The following FAT1 variants were observed in gnomAD, a reference collection of about 807,000 sequenced individuals.
FAT1 encodes the protein protocadherin Fat 1.
A neutral mutation model predicts 329.8 loss-of-function variants in FAT1; 171 were observed. That is an observed-to-expected ratio of 0.52 (90% CI 0.46 to 0.59). The LOEUF is 0.59. Among genes scored for constraint, FAT1 ranks in the 20% least tolerant of loss-of-function variants. FAT1 has a pLI of 0.00. For synonymous variants in FAT1, 2,233 were observed against 2,228.6 expected (o/e 1.00, Z -0.06); for missense variants, 5,672 against 5,774.4 (o/e 0.98, Z 0.57).
chr4:186,707,031 G>A lies in FAT1; in HGVS notation c.2797C>T (p.Arg933Cys), dbSNP rs767176687. ...NPPTFIPPNY[R>C]VKVREDLPEG... Reference sequence around the variant, plus strand: ...GGAAGATCCTCTCGGACTTTCACACGATAATTAGGTGGAATAAATGTAGGT... The same window carrying A: ...GGAAGATCCTCTCGGACTTTCACACAATAATTAGGTGGAATAAATGTAGGT... The change falls in exon 2 of 27, where the codon CGT (arginine) becomes TGT (cysteine). Residue 933 changes from arginine to cysteine, a missense_variant. Physicochemically the swap from Arg to Cys is radical, Grantham distance 180 (BLOSUM62 -3). Coordinates refer to ENST00000441802, the MANE Select transcript of FAT1 (RefSeq NM_005245.4). 8.7e-6 allele frequency: 14 copies of A among 1,613,900 alleles called. No homozygotes were observed. Among genetic ancestry groups the A allele is most frequent in the South Asian group, 3.3e-5 (3 of 91,068 alleles).
chr4:186,719,409 GA>G (rs1745366413), intron 1 of FAT1, among the ~76,000 whole-genome samples: 1 of 152,104 alleles, frequency 6.6e-6, no homozygotes, highest in Non-Finnish European at 1.5e-5. Context: ...TTATATCAGG[GA>G]CTTGAGCATT....
chr4:186,680,273 C>A (rs1743148630), intron 2 of FAT1, among the ~76,000 whole-genome samples: 1 of 152,128 alleles, frequency 6.6e-6, no homozygotes, highest in East Asian at 1.9e-4. Flanking sequence ...AAAGGGGTAC[C>A]AGTGTTGAGA....
intron 1 of FAT1, among the ~76,000 whole-genome samples, chr4:186,722,965 GT>G (rs1174747476): frequency 6.6e-6 from 1 of 151,814 alleles, no homozygotes; most frequent in African/African-American, 2.4e-5. Flanking sequence ...TTGCGTCCTT[GT>G]TTCCAAAGCC....
chr4:186,652,429 A>C (rs1236063601), intron 3 of FAT1, among the ~76,000 whole-genome samples: 1 of 152,234 alleles, frequency 6.6e-6, no homozygotes, highest in East Asian at 1.9e-4. Context: ...GATTCAAGTT[A>C]ACCAATTTGC....
At chr4:186,601,563 G>A (rs1275153163) in intron 20 of FAT1, 137 bp from the exon 21 acceptor site, 1 of 607,620 alleles carries the variant, frequency 1.6e-6, no homozygotes. Flanking sequence ...AATTCTGTGG[G>A]AAAACGTCTA....
chr4:186,636,283 C>A (rs1315986597), intron 5 of FAT1, 48 bp from the exon 6 acceptor site: 1 of 1,545,048 alleles, frequency 6.5e-7, no homozygotes, highest in Non-Finnish European at 8.9e-7. Context: ...TCAGGAGTTA[C>A]AACCCAGAAA....
Position 186,621,551 on chromosome 4 carries a change from T to C in FAT1, c.5035A>G (p.Thr1679Ala). 1.2e-6 allele frequency: 2 copies of C among 1,613,956 alleles called. No individual in the cohort carries two copies. The highest frequency in any genetic ancestry group is 1.7e-6 in the Non-Finnish European group (2 of 1,179,870). ...CCAACGAAACTCCCAATGCTGACAG[T>C]TTCACTAAGTTCAACAGAATATTCT... ...SKEYSVELSE[T>A]VSIGSFVGMV... Residue 1679 changes from threonine (T) to alanine (A), a missense_variant, in exon 10 of 27, where the codon ACT (threonine) becomes GCT (alanine). Coordinates refer to ENST00000441802, the MANE Select transcript of FAT1 (RefSeq NM_005245.4).
chr4:186,723,271 C>T (rs932527148), intron 1 of FAT1, among the ~76,000 whole-genome samples: 4 of 152,254 alleles, frequency 2.6e-5, no homozygotes, highest in African/African-American at 9.6e-5. Context: ...AGGGACCCGG[C>T]AGCCCCGCGC....
intron 12 of FAT1, among the ~76,000 whole-genome samples, chr4:186,613,964 T>A: frequency 6.6e-6 from 1 of 152,318 alleles, no homozygotes; most frequent in Admixed American, 6.5e-5. Context: ...AAATTTTAAA[T>A]CCTTTTTTCA....
chr4:186,588,495 CA>C lies in FAT1; in HGVS notation c.*96del, dbSNP rs1359857654. 1.3e-5 allele frequency: 19 copies of C among 1,450,076 alleles called. No individual in the cohort carries two copies. Among genetic ancestry groups the C allele is most frequent in the East Asian group, 4.7e-5 (2 of 42,840 alleles). 89.8% of individuals were successfully genotyped at this position (1,450,076 alleles called of 1,614,324 possible). ...GCGCAGCCATGCCCATTCGGCTCACCAAAAAAAGCTTGGAAGCACTGCTGCA... is the reference window on the plus strand; with the variant it reads ...GCGCAGCCATGCCCATTCGGCTCACCAAAAAAGCTTGGAAGCACTGCTGCA... On this transcript the variant is annotated 3_prime_UTR_variant, in exon 27 of 27. Coordinates refer to ENST00000441802, the MANE Select transcript of FAT1 (RefSeq NM_005245.4).
rs914403167 is a variant in FAT1 at position 186,588,302 on chromosome 4, T to C, written c.*290A>G. 2 of 360,348 alleles carry C rather than the reference T, an allele frequency of 5.6e-6. No individual in the cohort carries two copies. Among genetic ancestry groups the C allele is most frequent in the African/African-American group, 4.1e-5 (2 of 49,206 alleles). 22.3% of individuals were successfully genotyped at this position (360,348 alleles called of 1,614,324 possible). A position where few individuals can be genotyped will look rare whatever the true frequency, so the allele number is the denominator to read the frequency against. On this transcript the variant is annotated 3_prime_UTR_variant, in exon 27 of 27. Coordinates refer to ENST00000441802, the MANE Select transcript of FAT1 (RefSeq NM_005245.4). ...ATTAAAATAATCAAATCTATATAAA[T>C]ACATGAATCATGCTGACAACACAGG...
intron 22 of FAT1, 94 bp from the exon 23 acceptor site, chr4:186,598,219 T>G: frequency 8.1e-7 from 1 of 1,231,966 alleles, no homozygotes; most frequent in Non-Finnish European, 1.1e-6. Context: ...TTCTCCGAGG[T>G]CTGTAAAAGC....
chr4:186,720,527 C>T (rs1023664263), intron 1 of FAT1, among the ~76,000 whole-genome samples: 1 of 152,176 alleles, frequency 6.6e-6, no homozygotes, highest in Non-Finnish European at 1.5e-5. Context: ...AATTGTTCCC[C>T]TCTGATTCAC....
chr4:186,588,579 G>C lies in FAT1; in HGVS notation c.*13C>G, dbSNP rs1166673244. 1 of 1,600,996 alleles carries C rather than the reference G, an allele frequency of 6.2e-7. No homozygotes were observed. Among genetic ancestry groups the C allele is most frequent in the Non-Finnish European group, 8.5e-7 (1 of 1,173,712 alleles). ...GGTTCACTAAAGTCAGGCACTTTGG[G>C]GGGAGTTGAGAGTCAGACTTCCGTG... is the stretch of plus-strand genomic sequence containing the variant. On this transcript the variant is annotated 3_prime_UTR_variant, in exon 27 of 27. Coordinates refer to ENST00000441802, the MANE Select transcript of FAT1 (RefSeq NM_005245.4).
chr4:186,656,695 G>A (rs1318600694), intron 3 of FAT1, among the ~76,000 whole-genome samples: 1 of 152,128 alleles, frequency 6.6e-6, no homozygotes, highest in African/African-American at 2.4e-5. Context: ...CACAATTTGG[G>A]AGGGACAAAA....
chr4:186,649,864 C>A (rs896789736), intron 3 of FAT1, among the ~76,000 whole-genome samples: 2 of 152,134 alleles, frequency 1.3e-5, no homozygotes, highest in Non-Finnish European at 2.9e-5. Flanking sequence ...CATATACAAT[C>A]TGATGAGTCT....
chr4:186,698,656 C>T (rs951838634), intron 2 of FAT1, among the ~76,000 whole-genome samples: 4 of 152,194 alleles, frequency 2.6e-5, no homozygotes, highest in African/African-American at 9.6e-5. Flanking sequence ...GAGGGCTGCA[C>T]AGGGCAGGGG....
At chr4:186,655,603 T>C (rs901826451) in intron 3 of FAT1, among the ~76,000 whole-genome samples, 3 of 152,026 alleles carry the variant, frequency 2.0e-5, no homozygotes, top group Non-Finnish European at 2.9e-5. Flanking sequence ...CCCAGCTAAT[T>C]TTTGTTTTTA....
At chr4:186,660,341 T>C (rs1742111636) in intron 3 of FAT1, among the ~76,000 whole-genome samples, 1 of 152,214 alleles carries the variant, frequency 6.6e-6, no homozygotes, top group African/African-American at 2.4e-5. Context: ...GAGAAGCATC[T>C]AGAAACAGAT....
Sources: gnomAD v4.1 joint callset for allele counts (sites outside exome capture counted in the v4.1 genomes callset) on GRCh38, gnomAD v4.1.1 for gene constraint, MANE v1.5 for transcripts, NCBI Gene and HGNC (gene_info 2026-07-23, HGNC 2026-07-21) for gene names.